The following MYO3A variants were observed in gnomAD, a reference collection of about 807,000 sequenced individuals.
MYO3A encodes the protein myosin-IIIa.
A neutral mutation model predicts 192.7 loss-of-function variants in MYO3A; 180 were observed. The observed-to-expected ratio is 0.93, with a 90% CI of 0.83 to 1.06. The LOEUF is 1.06. Ranked by LOEUF, MYO3A falls within the 50% of genes least tolerant of loss-of-function variation. The probability of loss-of-function intolerance (pLI) is 0.00; values close to 1 mark genes in which losing one functional copy is unlikely to be tolerated. For missense variants in MYO3A, 1,896 were observed against 1,905.0 expected, an observed-to-expected ratio of 1.00 and a Z score of 0.09; for synonymous variants, 628 against 645.3, an observed-to-expected ratio of 0.97 and a Z score of 0.41.
chr10:26,008,570 T>C (rs180731124), intron 6 of MYO3A, among the ~76,000 whole-genome samples: 8,337 of 143,492 alleles, frequency 0.058, 642 homozygotes, highest in African/African-American at 0.16. Context: ...GGGCGAAGGA[T>C]ATGAACAGAC....
intron 32 of MYO3A, 74 bp downstream of exon 32, chr10:26,193,385 A>T: frequency 8.0e-7 from 1 of 1,249,394 alleles, no homozygotes; most frequent in Non-Finnish European, 1.2e-6. Context: ...CTGTGGCTAG[A>T]TTAGTTCAGG....
chr10:26,171,375 C>T (rs1481089824), intron 29 of MYO3A, among the ~76,000 whole-genome samples: 1 of 152,036 alleles, frequency 6.6e-6, no homozygotes, highest in East Asian at 1.9e-4. Context: ...TCCTAGCTTC[C>T]TTCTTTCCCC....
chr10:25,970,602 A>G (rs1838576867), intron 4 of MYO3A, among the ~76,000 whole-genome samples: 1 of 151,960 alleles, frequency 6.6e-6, no homozygotes, highest in Non-Finnish European at 1.5e-5. Context: ...AGTAGAAATC[A>G]CTTTAGTAAA....
At chr10:26,071,565 G>T (rs973555540) in intron 14 of MYO3A, among the ~76,000 whole-genome samples, 2 of 151,970 alleles carry the variant, frequency 1.3e-5, no homozygotes, top group African/African-American at 4.8e-5. Flanking sequence ...GTTCTCTGAG[G>T]ACACTGTTAC....
At chr10:25,957,900 T>C (rs1837660600) in intron 4 of MYO3A, among the ~76,000 whole-genome samples, 1 of 152,230 alleles carries the variant, frequency 6.6e-6, no homozygotes. Flanking sequence ...TTTTGAAAAG[T>C]ATCTGTTCAT....
At chr10:25,937,812 T>G (rs1003529566) in intron 2 of MYO3A, among the ~76,000 whole-genome samples, 3 of 152,218 alleles carry the variant, frequency 2.0e-5, no homozygotes, top group African/African-American at 7.2e-5. Flanking sequence ...TTAAGCAAAT[T>G]GAAGGGAATA....
chr10:26,019,936 G>C (rs757142948), intron 7 of MYO3A, among the ~76,000 whole-genome samples: 7 of 152,144 alleles, frequency 4.6e-5, no homozygotes, highest in African/African-American at 7.2e-5. Context: ...GATTTCAGCA[G>C]TTCACTCTCA....
At chr10:26,149,650 G>A (rs1485923529) in intron 23 of MYO3A, among the ~76,000 whole-genome samples, 1 of 151,846 alleles carries the variant, frequency 6.6e-6, no homozygotes, top group Non-Finnish European at 1.5e-5. Flanking sequence ...AGCTAAAATT[G>A]TGTTTATTGT....
intron 6 of MYO3A, among the ~76,000 whole-genome samples, chr10:26,005,665 A>C (rs1841150460): frequency 6.6e-6 from 1 of 152,092 alleles, no homozygotes; most frequent in Admixed American, 6.6e-5. Context: ...ACTTTTCTCT[A>C]AGGTTGAAAT....
At chr10:26,144,610 C>T (rs11014968) in intron 21 of MYO3A, among the ~76,000 whole-genome samples, 2,235 of 152,158 alleles carry the variant, frequency 0.015, 50 homozygotes, top group African/African-American at 0.051. Context: ...TTTTATTTCT[C>T]ATGTAATCAA....
intron 2 of MYO3A, among the ~76,000 whole-genome samples, chr10:25,941,250 AC>A (rs1836466335): frequency 6.6e-6 from 1 of 152,170 alleles, no homozygotes; most frequent in African/African-American, 2.4e-5. Flanking sequence ...GCTATCTAGA[AC>A]CCTGACAGTT....
intron 4 of MYO3A, among the ~76,000 whole-genome samples, chr10:25,960,804 G>A (rs1837884001): frequency 6.6e-6 from 1 of 152,044 alleles, no homozygotes; most frequent in Admixed American, 6.6e-5. Context: ...GTTGGCACAG[G>A]TGGAAGAAAA....
chr10:25,938,338 G>T (rs1255524598), intron 2 of MYO3A, among the ~76,000 whole-genome samples: 2 of 152,186 alleles, frequency 1.3e-5, no homozygotes, highest in African/African-American at 4.8e-5. Context: ...GGCAATTGAG[G>T]CTGAAGTCAC....
intron 34 of MYO3A, among the ~76,000 whole-genome samples, chr10:26,210,705 C>T (rs1298076085): frequency 6.6e-6 from 1 of 152,108 alleles, no homozygotes; most frequent in Non-Finnish European, 1.5e-5. Flanking sequence ...CTAAATTATC[C>T]GAACACTCTA....
intron 12 of MYO3A, among the ~76,000 whole-genome samples, chr10:26,069,869 T>C (rs1055064743): frequency 1.3e-5 from 2 of 152,098 alleles, no homozygotes; most frequent in Admixed American, 1.3e-4. Flanking sequence ...TGCAGAATCT[T>C]TTAAATTACT....
intron 10 of MYO3A, among the ~76,000 whole-genome samples, chr10:26,058,432 A>C (rs767088043): frequency 2.0e-5 from 3 of 152,212 alleles, no homozygotes; most frequent in Non-Finnish European, 4.4e-5. Flanking sequence ...TTATGAAAAA[A>C]GCTGCTATAA....
intron 26 of MYO3A, among the ~76,000 whole-genome samples, chr10:26,158,419 AT>A (rs1454697080): frequency 6.6e-6 from 1 of 151,158 alleles, no homozygotes; most frequent in South Asian, 2.1e-4. Flanking sequence ...TGCCCAGCTA[AT>A]TTTTTTTGTA....
At chr10:26,092,233 C>T (rs529728732) in intron 15 of MYO3A, among the ~76,000 whole-genome samples, 2 of 152,192 alleles carry the variant, frequency 1.3e-5, no homozygotes, top group Admixed American at 6.5e-5. Flanking sequence ...TTTGGGAGGC[C>T]GAGGCGGGTG....
chr10:26,107,127 A>T (rs1837859063), intron 17 of MYO3A, among the ~76,000 whole-genome samples: 1 of 152,064 alleles, frequency 6.6e-6, no homozygotes, highest in African/African-American at 2.4e-5. Context: ...CTGCCATTAC[A>T]GCACCCCAAG....
Sources: gnomAD v4.1 joint callset for allele counts (sites outside exome capture counted in the v4.1 genomes callset) on GRCh38, gnomAD v4.1.1 for gene constraint, MANE v1.5 for transcripts, NCBI Gene and HGNC (gene_info 2026-07-23, HGNC 2026-07-21) for gene names.